Variants in EPM2A observed in about 807,000 individuals in gnomAD.
The protein encoded by EPM2A is laforin.
Under a neutral mutation model 26.5 loss-of-function variants are expected in EPM2A, and 21 were observed. The ratio of observed to expected loss-of-function variants is 0.79; its 90% confidence interval spans 0.56 to 1.14. EPM2A has a LOEUF of 1.14. Ranked by LOEUF, EPM2A falls within the 50% of genes most tolerant of loss-of-function variation. The pLI, the probability that EPM2A is intolerant of heterozygous loss-of-function variation, is 0.00. For synonymous variants in EPM2A, 217 were observed against 177.6 expected (o/e 1.22, Z -1.76); for missense variants, 458 against 440.8 (o/e 1.04, Z -0.35).
At chr6:145,469,676 C>T (rs561881379) in intron 4 of EPM2A, among the ~76,000 whole-genome samples, 2 of 152,054 alleles carry the variant, frequency 1.3e-5, no homozygotes, top group Non-Finnish European at 1.5e-5. Flanking sequence ...TATGTATATA[C>T]CCAAAAGAAA....
At chr6:145,421,244 C>T (rs942351847) in intron 4 of EPM2A, among the ~76,000 whole-genome samples, 3 of 152,024 alleles carry the variant, frequency 2.0e-5, no homozygotes, top group Non-Finnish European at 4.4e-5. Flanking sequence ...AAGGACTAAA[C>T]AAGAAGAATG....
intron 2 of EPM2A, among the ~76,000 whole-genome samples, chr6:145,519,744 C>T (rs1176806768): frequency 6.6e-6 from 1 of 152,050 alleles, no homozygotes; most frequent in African/African-American, 2.4e-5. Flanking sequence ...AGGAATAAGC[C>T]AATTTGCCAG....
At chr6:145,470,919 T>C (rs1194814292) in intron 4 of EPM2A, among the ~76,000 whole-genome samples, 1 of 152,198 alleles carries the variant, frequency 6.6e-6, no homozygotes, top group Admixed American at 6.5e-5. Context: ...CATATATCTG[T>C]GGGTAGGCTG....
At chr6:145,696,492 C>A (rs1327188030) in intron 1 of EPM2A, among the ~76,000 whole-genome samples, 1 of 151,990 alleles carries the variant, frequency 6.6e-6, no homozygotes, top group East Asian at 1.9e-4. Context: ...ACTTATTCCA[C>A]ATATATACTC....
At chr6:145,676,017 T>C (rs556246138) in intron 2 of EPM2A, among the ~76,000 whole-genome samples, 1 of 152,232 alleles carries the variant, frequency 6.6e-6, no homozygotes, top group East Asian at 1.9e-4. Context: ...ATTGACCACA[T>C]AATTGGAAGT....
rs930044782 is a variant in EPM2A at position 145,384,401 on chromosome 6, T to C, written c.556-304A>G. ...TTATTTTTTAGTGATAATCATGGGATCAACACCTGTGGGGGCATGGAAGGA... is the reference window on the plus strand; with the variant it reads ...TTATTTTTTAGTGATAATCATGGGACCAACACCTGTGGGGGCATGGAAGGA... On this transcript the variant is annotated intron_variant, in intron 4 of 4. Coordinates refer to the EPM2A transcript ENST00000638717. Among the ~76,000 whole-genome samples, 7 of 149,076 alleles carry C rather than the reference T, an allele frequency of 4.7e-5. 1 individual carries two copies. The highest frequency in any genetic ancestry group is 1.0e-4 in the Non-Finnish European group (7 of 67,210).
Position 145,615,456 on chromosome 6 carries a change from G to A in EPM2A, c.340+19789C>T, listed in dbSNP as rs117923287. ...TCGGGTATGTCTTTATTAACAGCAC[G>A]AAAACAGACTAATACAGTAAATTGG... On this transcript the variant is annotated intron_variant, in intron 2 of 3. Coordinates refer to the EPM2A transcript ENST00000450221. 1.5e-3 allele frequency among the ~76,000 whole-genome samples: 229 copies of A among 152,040 alleles called. 4 individuals carry two copies. The East Asian group carries it at 0.043, about 29-fold the overall frequency.
chr6:145,691,314 G>A lies in EPM2A; in HGVS notation c.302-5018C>T, dbSNP rs184575017. 1.1e-3 allele frequency among the ~76,000 whole-genome samples: 162 copies of A among 152,160 alleles called. 1 individual carries two copies. Among genetic ancestry groups the A allele is most frequent in the Admixed American group, 4.2e-3 (65 of 15,296 alleles). On this transcript the variant is annotated intron_variant, in intron 1 of 3. Coordinates refer to ENST00000367519, the MANE Select transcript of EPM2A (RefSeq NM_005670.4). ...TCTAATATGAGCAGATTTCTCATCAGAAGTCACCAAAGGAAGTGTCATTTT... is the reference window on the plus strand; with the variant it reads ...TCTAATATGAGCAGATTTCTCATCAAAAGTCACCAAAGGAAGTGTCATTTT...
rs188322314 is a variant in EPM2A, at chr6:145,411,376, A to C, written c.556-27279T>G. Among the ~76,000 whole-genome samples, 281 of 152,320 alleles carry C rather than the reference A, an allele frequency of 1.8e-3. 5 individuals carry two copies. Among genetic ancestry groups the C allele is most frequent in the Non-Finnish European group, 3.4e-4 (23 of 68,028 alleles). On this transcript the variant is annotated intron_variant, in intron 4 of 4. Coordinates refer to the EPM2A transcript ENST00000638717. Reference sequence around the variant, plus strand: ...AATGACTTGATTGATTTAAGAATGGAAACAATCATCATCAAGATATATTTG... The same window carrying C: ...AATGACTTGATTGATTTAAGAATGGCAACAATCATCATCAAGATATATTTG...
At chr6:145,706,550 C>T (rs1296340064) in intron 1 of EPM2A, among the ~76,000 whole-genome samples, 1 of 152,110 alleles carries the variant, frequency 6.6e-6, no homozygotes, top group Non-Finnish European at 1.5e-5. Flanking sequence ...AGCCTTTATA[C>T]TAAATCCAAT....
At chr6:145,652,073 T>C (rs768300606) in intron 2 of EPM2A, among the ~76,000 whole-genome samples, 3 of 152,186 alleles carry the variant, frequency 2.0e-5, no homozygotes, top group Non-Finnish European at 2.9e-5. Context: ...ATAAGATATT[T>C]TATTTTTTCC....
At chr6:145,574,288 T>A (rs1403614399) in intron 2 of EPM2A, among the ~76,000 whole-genome samples, 1 of 152,148 alleles carries the variant, frequency 6.6e-6, no homozygotes, top group African/African-American at 2.4e-5. Context: ...AAGAACACCA[T>A]GATTAATTAG....
intron 2 of EPM2A, among the ~76,000 whole-genome samples, chr6:145,522,114 A>G (rs564302349): frequency 6.6e-6 from 1 of 152,048 alleles, no homozygotes; most frequent in Admixed American, 6.6e-5. Flanking sequence ...CACCACGCCC[A>G]GCCATTTTTT....
At chr6:145,725,136 T>G (rs1208480517) in intron 1 of EPM2A, among the ~76,000 whole-genome samples, 1 of 114,536 alleles carries the variant, frequency 8.7e-6, no homozygotes, top group Non-Finnish European at 2.0e-5. Context: ...AATTTAAAAA[T>G]GAAAAGATCT....
In EPM2A at chr6:145,599,802, TTAAG is replaced by T. The variant is rs564479157; in HGVS notation, c.340+35439_340+35442del. On this transcript the variant is annotated intron_variant, in intron 2 of 3. Transcript: ENST00000450221. ...GGTAAATTTCTTTTTAATGGATCAC[TTAAG>T]TATTAAAAATAAACTATCATCTGTA... Among the ~76,000 whole-genome samples the T allele has an allele frequency of 5.2e-4, 79 of 152,164 alleles. 1 individual carries two copies. In the South Asian group the frequency reaches 0.016, roughly 31 times the overall value.
At chr6:145,577,121 A>G (rs1781042557) in intron 2 of EPM2A, among the ~76,000 whole-genome samples, 2 of 151,944 alleles carry the variant, frequency 1.3e-5, no homozygotes, top group South Asian at 4.2e-4. Context: ...AAAGGAAGAG[A>G]GGACTAACAA....
At chr6:145,524,035 T>C (rs403345) in intron 2 of EPM2A, among the ~76,000 whole-genome samples, 40,714 of 152,150 alleles carry the variant, frequency 0.27, 5,959 homozygotes, top group South Asian at 0.38. Context: ...AATGAGAACA[T>C]GTGCTATTTG....
At chr6:145,612,449 T>C (rs1775411338) in intron 2 of EPM2A, among the ~76,000 whole-genome samples, 1 of 152,120 alleles carries the variant, frequency 6.6e-6, no homozygotes, top group South Asian at 2.1e-4. Context: ...AATTATCTTT[T>C]TTATTTGCTC....
At chr6:145,639,521 T>G (rs1776933882) in intron 2 of EPM2A, 1 of 152,164 alleles carries the variant, frequency 6.6e-6, no homozygotes, top group South Asian at 2.1e-4. Context: ...ACCACCACCT[T>G]GGACCACCAG....
Sources: gnomAD v4.1 joint callset for allele counts (sites outside exome capture counted in the v4.1 genomes callset) on GRCh38, gnomAD v4.1.1 for gene constraint, MANE v1.5 for transcripts, NCBI Gene and HGNC (gene_info 2026-07-23, HGNC 2026-07-21) for gene names.